SLC35F1: variants seen among roughly 807,000 people sequenced by gnomAD.
SLC35F1 encodes solute carrier family 35 member F1.
In SLC35F1, 14 loss-of-function variants were observed where a neutral mutation model predicts 48.7. The ratio of observed to expected loss-of-function variants is 0.29; its 90% CI spans 0.19 to 0.45. The LOEUF is 0.45. SLC35F1 is among the 20% of genes least tolerant of loss of function. The pLI is 1.00. For synonymous variants in SLC35F1, 190 were observed against 202.2 expected, an observed-to-expected ratio of 0.94 and a Z score of 0.51; for missense variants, 404 against 500.0, an observed-to-expected ratio of 0.81 and a Z score of 1.83.
intron 1 of SLC35F1, among the ~76,000 whole-genome samples, chr6:118,009,754 A>G (rs1777221448): frequency 6.6e-6 from 1 of 151,974 alleles, no homozygotes; most frequent in African/African-American, 2.4e-5. Context: ...CAAAATGACA[A>G]CCTCAGTTCC....
chr6:118,294,849 GTT>G (rs1284675628), intron 7 of SLC35F1, among the ~76,000 whole-genome samples: 12 of 151,958 alleles, frequency 7.9e-5, no homozygotes, highest in Non-Finnish European at 1.5e-4. Flanking sequence ...TTCAAAATCA[GTT>G]ATCCAAAAGT....
intron 1 of SLC35F1, among the ~76,000 whole-genome samples, chr6:117,936,009 G>A (rs962301375): frequency 1.3e-5 from 2 of 152,214 alleles, no homozygotes; most frequent in East Asian, 3.8e-4. Context: ...AAAGATGTTT[G>A]TGGTTCTCTT....
chr6:118,150,160 A>T (rs1774034757), intron 1 of SLC35F1, among the ~76,000 whole-genome samples: 1 of 152,210 alleles, frequency 6.6e-6, no homozygotes, highest in South Asian at 2.1e-4. Context: ...TAGCTGCCTT[A>T]TAAGGTTTTT....
chr6:118,239,473 C>A (rs149940568), intron 3 of SLC35F1, among the ~76,000 whole-genome samples: 116 of 140,410 alleles, frequency 8.3e-4, no homozygotes, highest in African/African-American at 3.0e-3. Context: ...GAGTGACTTT[C>A]CTGTTTGGAA....
In SLC35F1 at chr6:117,907,606, C is replaced by A; in HGVS notation, c.-121C>A. The A allele has an allele frequency of 2.0e-6, 1 of 502,976 alleles. No individual in the cohort carries two copies. The highest frequency in any genetic ancestry group is 3.2e-6 in the Non-Finnish European group (1 of 308,854). 31.2% of individuals were successfully genotyped at this position (502,976 alleles called of 1,614,324 possible). A position where few individuals can be genotyped will look rare whatever the true frequency, so the allele number is the denominator to read the frequency against. On this transcript the variant is annotated 5_prime_UTR_variant, in exon 1 of 8. Transcript: ENST00000360388. ...CCTCCCCGCCTCACCGCTTCGCAGG[C>A]AGCACCGCCTCCCGGGCCGCGGCCG...
intron 1 of SLC35F1, among the ~76,000 whole-genome samples, chr6:118,049,788 AT>A (rs1422164046): frequency 1.3e-5 from 2 of 151,886 alleles, no homozygotes; most frequent in Non-Finnish European, 1.5e-5. Flanking sequence ...TAATTCAACC[AT>A]TGTGGAAGTC....
chr6:118,206,125 A>G (rs1190840411), intron 2 of SLC35F1, among the ~76,000 whole-genome samples: 3 of 152,222 alleles, frequency 2.0e-5, no homozygotes, highest in African/African-American at 7.2e-5. Flanking sequence ...TTTAATGCCA[A>G]TGAATTATAC....
At chr6:118,182,998 T>C (rs530504810) in intron 2 of SLC35F1, among the ~76,000 whole-genome samples, 3 of 152,324 alleles carry the variant, frequency 2.0e-5, no homozygotes, top group Non-Finnish European at 2.9e-5. Context: ...TTATTGTTTT[T>C]CGAAATGTGC....
intron 3 of SLC35F1, among the ~76,000 whole-genome samples, chr6:118,243,880 T>G (rs1775471575): frequency 6.6e-6 from 1 of 152,240 alleles, no homozygotes; most frequent in African/African-American, 2.4e-5. Flanking sequence ...GTTTAATGAC[T>G]ATTCAAACGA....
At chr6:118,288,126 T>G (rs1266999168) in intron 7 of SLC35F1, among the ~76,000 whole-genome samples, 1 of 152,170 alleles carries the variant, frequency 6.6e-6, no homozygotes, top group Non-Finnish European at 1.5e-5. Flanking sequence ...TAGTTAAAAT[T>G]TATTTCTATT....
intron 2 of SLC35F1, among the ~76,000 whole-genome samples, chr6:118,226,336 A>G (rs1775217629): frequency 6.6e-6 from 1 of 152,230 alleles, no homozygotes; most frequent in Non-Finnish European, 1.5e-5. Context: ...AACTAACCAT[A>G]TGATCCAGCA....
intron 2 of SLC35F1, among the ~76,000 whole-genome samples, chr6:118,187,637 A>G (rs1170274481): frequency 6.6e-6 from 1 of 152,226 alleles, no homozygotes; most frequent in Non-Finnish European, 1.5e-5. Flanking sequence ...TGAGAGATGT[A>G]TGAACCAAGA....
chr6:118,048,535 G>A (rs1772334720), intron 1 of SLC35F1, among the ~76,000 whole-genome samples: 1 of 152,142 alleles, frequency 6.6e-6, no homozygotes, highest in South Asian at 2.1e-4. Context: ...CAAAATCAAT[G>A]TACAAAAATC....
At chr6:118,193,777 C>G (rs540637536) in intron 2 of SLC35F1, among the ~76,000 whole-genome samples, 2 of 152,216 alleles carry the variant, frequency 1.3e-5, no homozygotes, top group South Asian at 4.1e-4. Context: ...AGGGGTGTGG[C>G]TAACTCCACA....
intron 1 of SLC35F1, among the ~76,000 whole-genome samples, chr6:118,092,425 G>A (rs1773088186): frequency 6.6e-6 from 1 of 152,222 alleles, no homozygotes; most frequent in Admixed American, 6.5e-5. Flanking sequence ...TTGGTGCATG[G>A]GCAAGGCCCT....
intron 1 of SLC35F1, among the ~76,000 whole-genome samples, chr6:118,020,970 G>T (rs565346680): frequency 6.6e-6 from 1 of 152,250 alleles, no homozygotes; most frequent in Admixed American, 6.5e-5. Context: ...ATAATAGAAT[G>T]TATTGGCTCA....
intron 1 of SLC35F1, among the ~76,000 whole-genome samples, chr6:118,095,177 A>T (rs560172872): frequency 6.6e-6 from 1 of 152,234 alleles, no homozygotes; most frequent in Non-Finnish European, 1.5e-5. Flanking sequence ...ATTTGACAAG[A>T]CAAAGGTCAT....
At chr6:118,312,954 C>G (rs1776388370) in intron 7 of SLC35F1, among the ~76,000 whole-genome samples, 1 of 152,034 alleles carries the variant, frequency 6.6e-6, no homozygotes, top group African/African-American at 2.4e-5. Context: ...AGGATGTGGT[C>G]AAGACTGGGA....
chr6:117,949,838 T>G (rs1234635473), intron 1 of SLC35F1, among the ~76,000 whole-genome samples: 1 of 152,098 alleles, frequency 6.6e-6, no homozygotes, highest in East Asian at 1.9e-4. Context: ...TTGGTCATCT[T>G]TACTCTCTGT....
Sources: gnomAD v4.1 joint callset for allele counts (sites outside exome capture counted in the v4.1 genomes callset) on GRCh38, gnomAD v4.1.1 for gene constraint, MANE v1.5 for transcripts, NCBI Gene and HGNC (gene_info 2026-07-23, HGNC 2026-07-21) for gene names.